The following NPAS2 variants were observed in gnomAD, a reference collection of about 807,000 sequenced individuals.
NPAS2 encodes the protein neuronal PAS domain protein 2.
In NPAS2, 23 loss-of-function variants were observed where a neutral mutation model predicts 107.5. That is an observed-to-expected ratio of 0.21 (90% CI 0.15 to 0.30). The LOEUF is 0.30. NPAS2 is among the 10% of genes least tolerant of loss of function. The pLI is 1.00. For missense variants in NPAS2, 756 were observed against 1,043.3 expected, an observed-to-expected ratio of 0.72 and a Z score of 3.79; for synonymous variants, 403 against 417.5, an observed-to-expected ratio of 0.97 and a Z score of 0.42.
chr2:100,908,100 G>T (rs1682286926), intron 2 of NPAS2, among the ~76,000 whole-genome samples: 1 of 152,088 alleles, frequency 6.6e-6, no homozygotes, highest in Non-Finnish European at 1.5e-5. Context: ...AGTGCGCAGG[G>T]TTAGAATCAG....
At chr2:100,932,827 A>G in intron 3 of NPAS2, 83 bp from the exon 4 acceptor site, 1 of 933,962 alleles carries the variant, frequency 1.1e-6, no homozygotes, top group South Asian at 1.4e-5. Context: ...ACAAAATTAC[A>G]TAGAAGTAAC....
chr2:100,839,811 T>G (rs935071835), intron 1 of NPAS2, among the ~76,000 whole-genome samples: 9 of 152,232 alleles, frequency 5.9e-5, no homozygotes, highest in Admixed American at 5.2e-4. Context: ...ATGTCTAGAG[T>G]TTTTGTTTCA....
intron 1 of NPAS2, among the ~76,000 whole-genome samples, chr2:100,891,414 T>G (rs2104698250): frequency 6.6e-6 from 1 of 152,256 alleles, no homozygotes; most frequent in Middle Eastern, 3.4e-3. Flanking sequence ...CTTGACCACG[T>G]GACCTGCGGC....
intron 7 of NPAS2, among the ~76,000 whole-genome samples, chr2:100,951,270 G>T (rs1274373319): frequency 1.3e-5 from 2 of 152,178 alleles, no homozygotes; most frequent in Non-Finnish European, 2.9e-5. Flanking sequence ...TGCTTTACGT[G>T]TGCACTGGTT....
At chr2:100,942,952 G>A (rs1051357739) in intron 5 of NPAS2, among the ~76,000 whole-genome samples, 42 of 152,278 alleles carry the variant, frequency 2.8e-4, no homozygotes, top group African/African-American at 7.7e-4. Flanking sequence ...GTGTTCCATC[G>A]TAGGAATGTG....
Position 100,974,986 on chromosome 2 carries a change from A to G in NPAS2, c.1282+42A>G, listed in dbSNP as rs747153769. 34 of 1,606,178 alleles carry G rather than the reference A, an allele frequency of 2.1e-5. No homozygotes were observed. In the Admixed American group the frequency reaches 5.7e-4, roughly 27 times the overall value. On this transcript the variant is annotated intron_variant, in intron 13 of 20. Transcript: ENST00000335681. The stretch of plus-strand genomic sequence containing the variant: ...GGATGGGGAGTGGGATGTCCACATC[A>G]GACCAGAGGGACAGCCCCACAGAGG...
chr2:100,938,056 T>C (rs535792588), intron 5 of NPAS2, among the ~76,000 whole-genome samples: 1 of 152,186 alleles, frequency 6.6e-6, no homozygotes, highest in Non-Finnish European at 1.5e-5. Flanking sequence ...GCGTGTGCCA[T>C]CCTGGAACAG....
rs141613751 is a variant in NPAS2 at position 100,907,891 on chromosome 2, T to C, written c.32+3105T>C. On this transcript the variant is annotated intron_variant, in intron 2 of 20. Coordinates refer to ENST00000335681, the MANE Select transcript of NPAS2 (RefSeq NM_002518.4). The stretch of plus-strand genomic sequence containing the variant: ...CTTCAGGGAAGACGCAAAAATATAG[T>C]CCTTGTACTCAAGAAGGAAACAGCT... Among the ~76,000 whole-genome samples, 9 of 152,278 alleles carry C rather than the reference T, an allele frequency of 5.9e-5. 1 individual carries two copies. In the East Asian group the frequency reaches 1.7e-3, roughly 29 times the overall value.
chr2:100,906,985 G>C (rs72973631), intron 2 of NPAS2, among the ~76,000 whole-genome samples: 1 of 152,082 alleles, frequency 6.6e-6, no homozygotes, highest in Non-Finnish European at 1.5e-5. Flanking sequence ...ACCACAAGAG[G>C]CTTTTCATAT....
intron 7 of NPAS2, among the ~76,000 whole-genome samples, chr2:100,958,433 CGT>C (rs1675708307): frequency 6.6e-6 from 1 of 152,172 alleles, no homozygotes; most frequent in Non-Finnish European, 1.5e-5. Context: ...TGGACGGCTT[CGT>C]GGAAGGAGTG....
intron 7 of NPAS2, among the ~76,000 whole-genome samples, chr2:100,956,243 C>G (rs1558908867): frequency 6.6e-6 from 1 of 152,144 alleles, no homozygotes; most frequent in Non-Finnish European, 1.5e-5. Flanking sequence ...ATGTGCAGGT[C>G]TGTCACATGG....
At chr2:100,904,210 A>G (rs1681983211) in intron 1 of NPAS2, among the ~76,000 whole-genome samples, 1 of 152,054 alleles carries the variant, frequency 6.6e-6, no homozygotes, top group Non-Finnish European at 1.5e-5. Flanking sequence ...AGGAGTGAAC[A>G]AGGCCCGCTG....
chr2:100,970,870 A>T, intron 11 of NPAS2, 120 bp from the exon 12 acceptor site: 1 of 758,516 alleles, frequency 1.3e-6, no homozygotes, highest in Non-Finnish European at 2.2e-6. Flanking sequence ...CTCTGTGTTG[A>T]CTGTTGTGGG....
chr2:100,947,326 G>A (rs187002890), intron 5 of NPAS2, among the ~76,000 whole-genome samples: 39 of 152,180 alleles, frequency 2.6e-4, no homozygotes, highest in African/African-American at 7.0e-4. Context: ...CGGGGTGGGC[G>A]GATCACCTGA....
chr2:100,918,825 G>A (rs770873794), intron 2 of NPAS2, among the ~76,000 whole-genome samples: 4 of 152,170 alleles, frequency 2.6e-5, no homozygotes, highest in Non-Finnish European at 4.4e-5. Context: ...GGCCACTCTG[G>A]AAAACGGTTT....
chr2:100,851,988 C>G (rs190901575), intron 1 of NPAS2, among the ~76,000 whole-genome samples: 135 of 152,278 alleles, frequency 8.9e-4, no homozygotes, highest in African/African-American at 3.1e-3. Context: ...GGGAGTCTCA[C>G]GTTAGCTACA....
At chr2:100,857,071 C>T (rs1435454759) in intron 1 of NPAS2, among the ~76,000 whole-genome samples, 4 of 151,990 alleles carry the variant, frequency 2.6e-5, no homozygotes, top group African/African-American at 4.8e-5. Flanking sequence ...TTTGGGAGGC[C>T]GAGGTGGGCG....
rs1050728043 is a variant in NPAS2, at chr2:100,996,194, C to G, written c.*612C>G. 3 of 218,862 alleles carry G rather than the reference C, an allele frequency of 1.4e-5. No homozygotes were observed. Among genetic ancestry groups the G allele is most frequent in the African/African-American group, 6.9e-5 (3 of 43,184 alleles). 13.6% of individuals were successfully genotyped at this position (218,862 alleles called of 1,614,324 possible). A position where few individuals can be genotyped will look rare whatever the true frequency, so the allele number is the denominator to read the frequency against. On this transcript the variant is annotated 3_prime_UTR_variant, in exon 21 of 21. Transcript: ENST00000335681. ...AACAGCAGCCCACCAATCAGAGAAG[C>G]TGGTTGTTATTAACCAAGCTACAGA...
chr2:100,898,189 G>T (rs1681541271), intron 1 of NPAS2, among the ~76,000 whole-genome samples: 1 of 151,918 alleles, frequency 6.6e-6, no homozygotes, highest in South Asian at 2.1e-4. Flanking sequence ...ATCCTCCCAA[G>T]TAGCTAGGAC....
Sources: allele counts gnomAD v4.1 joint callset (sites outside exome capture counted in the v4.1 genomes callset), GRCh38; gene constraint gnomAD v4.1.1; transcripts MANE v1.5; gene names NCBI Gene and HGNC (gene_info 2026-07-23, HGNC 2026-07-21).